The following ESRRG variants were observed in gnomAD, a reference collection of about 807,000 sequenced individuals.
ESRRG encodes the protein estrogen-related receptor gamma.
ESRRG carries 13 observed loss-of-function variants against 44.0 expected under a neutral mutation model. The ratio of observed to expected loss-of-function variants is 0.30; its 90% confidence interval spans 0.19 to 0.47. The LOEUF (loss-of-function observed/expected upper bound fraction) is 0.47, where lower values mean the gene tolerates loss of function less well. Among genes scored for constraint, ESRRG ranks in the 20% least tolerant of loss-of-function variants. The probability of loss-of-function intolerance (pLI) is 1.00; values close to 1 mark genes in which losing one functional copy is unlikely to be tolerated. For missense variants in ESRRG, 395 were observed against 580.6 expected (o/e 0.68, Z 3.29); for synonymous variants, 215 against 214.6 (o/e 1.00, Z -0.02).
chr1:217,052,553 T>C (rs1333130030), intron 1 of ESRRG, among the ~76,000 whole-genome samples: 3 of 152,202 alleles, frequency 2.0e-5, no homozygotes, highest in African/African-American at 4.8e-5. Context: ...AAGAGAGACC[T>C]AGGTGTTCAG....
At chr1:216,782,294 T>C (rs540069451) in intron 2 of ESRRG, among the ~76,000 whole-genome samples, 4 of 152,164 alleles carry the variant, frequency 2.6e-5, no homozygotes, top group African/African-American at 9.6e-5. Context: ...TGAGTAAGTC[T>C]CTCATGGCAT....
At chr1:216,666,084 C>A (rs7550534) in intron 2 of ESRRG, among the ~76,000 whole-genome samples, 25,635 of 152,118 alleles carry the variant, frequency 0.17, 2,265 homozygotes, top group Middle Eastern at 0.2. Context: ...AGCCATACCT[C>A]ATGAGTTACC....
intron 1 of ESRRG, among the ~76,000 whole-genome samples, chr1:217,045,569 G>T (rs1377578711): frequency 6.6e-6 from 1 of 152,198 alleles, no homozygotes; most frequent in Non-Finnish European, 1.5e-5. Context: ...TGAGATGGCT[G>T]GTCTTTGTGA....
chr1:217,098,967 C>T (rs1343056590), intron 1 of ESRRG, among the ~76,000 whole-genome samples: 1 of 152,196 alleles, frequency 6.6e-6, no homozygotes, highest in Non-Finnish European at 1.5e-5. Context: ...CAGTCCTCAC[C>T]TACTTTCCTG....
rs558826300 is a variant in ESRRG, at chr1:216,885,586, T to C, written c.-14+53996A>G. On this transcript the variant is annotated intron_variant, in intron 2 of 7. Transcript: ENST00000359162. ...TAGTCATTTTTGTTTTTATTGAATG[T>C]TGATGCAATCTTAAAGGTTTTTTTT... 3.4e-4 allele frequency among the ~76,000 whole-genome samples: 52 copies of C among 152,322 alleles called. 1 individual carries two copies. Among genetic ancestry groups the C allele is most frequent in the African/African-American group, 1.2e-3 (50 of 41,578 alleles).
chr1:216,658,026 A>G (rs537933671), intron 2 of ESRRG, among the ~76,000 whole-genome samples: 20 of 152,148 alleles, frequency 1.3e-4, no homozygotes, highest in Non-Finnish European at 1.3e-4. Flanking sequence ...CCCTTAAGGA[A>G]AAAAGACCGG....
intron 1 of ESRRG, among the ~76,000 whole-genome samples, chr1:216,999,417 T>C (rs2076749811): frequency 6.6e-6 from 1 of 152,176 alleles, no homozygotes; most frequent in Admixed American, 6.5e-5. Flanking sequence ...TTATCTCATA[T>C]TTACAAAATA....
At chr1:217,126,490 A>G (rs35685026) in intron 1 of ESRRG, among the ~76,000 whole-genome samples, 22,990 of 152,094 alleles carry the variant, frequency 0.15, 2,279 homozygotes, top group Non-Finnish European at 0.2. Context: ...ATCCCATAGT[A>G]CACTTGGCCC....
chr1:216,722,865 C>A (rs1398613970), intron 1 of ESRRG, among the ~76,000 whole-genome samples: 2 of 152,140 alleles, frequency 1.3e-5, no homozygotes, highest in African/African-American at 4.8e-5. Flanking sequence ...TAGTATAAAT[C>A]ATTTTGAATA....
chr1:216,955,918 T>C (rs2067864555), intron 1 of ESRRG, among the ~76,000 whole-genome samples: 1 of 152,164 alleles, frequency 6.6e-6, no homozygotes, highest in South Asian at 2.1e-4. Context: ...GTTTTTGCTG[T>C]TGTGTTTCTT....
chr1:217,055,382 T>G (rs1325293229), intron 1 of ESRRG, among the ~76,000 whole-genome samples: 3 of 152,246 alleles, frequency 2.0e-5, no homozygotes, highest in Admixed American at 2.0e-4. Flanking sequence ...AGAACCACCT[T>G]ATATACAGAA....
intron 1 of ESRRG, among the ~76,000 whole-genome samples, chr1:217,115,106 C>G (rs17045282): frequency 5.9e-5 from 9 of 152,124 alleles, no homozygotes; most frequent in Admixed American, 2.6e-4. Flanking sequence ...TTTAAAAATT[C>G]CTTCTCTCAT....
At chr1:216,980,852 A>T (rs553232765) in intron 1 of ESRRG, among the ~76,000 whole-genome samples, 1 of 152,290 alleles carries the variant, frequency 6.6e-6, no homozygotes, top group South Asian at 2.1e-4. Context: ...ATACTTCAGC[A>T]ATATAGAACT....
intron 5 of ESRRG, among the ~76,000 whole-genome samples, chr1:216,547,128 T>C (rs2054756277): frequency 6.6e-6 from 1 of 152,000 alleles, no homozygotes; most frequent in Non-Finnish European, 1.5e-5. Flanking sequence ...ATTTTCACAG[T>C]TATAGGAGAG....
intron 5 of ESRRG, among the ~76,000 whole-genome samples, chr1:216,553,814 GA>G (rs960580233): frequency 6.7e-6 from 1 of 149,880 alleles, no homozygotes; most frequent in African/African-American, 2.4e-5. Flanking sequence ...CTCGCTATAG[GA>G]AAAAAAAATA....
At chr1:216,742,774 A>T (rs903698255) in intron 2 of ESRRG, among the ~76,000 whole-genome samples, 1 of 152,140 alleles carries the variant, frequency 6.6e-6, no homozygotes, top group Non-Finnish European at 1.5e-5. Flanking sequence ...TATTTTGTTT[A>T]CACACCAAAA....
chr1:216,737,270 A>C (rs536832963), intron 2 of ESRRG, among the ~76,000 whole-genome samples: 1 of 152,310 alleles, frequency 6.6e-6, no homozygotes, highest in South Asian at 2.1e-4. Context: ...AGCTGCAGAC[A>C]GTGGTTCACC....
intron 1 of ESRRG, among the ~76,000 whole-genome samples, chr1:216,946,476 C>T (rs901131792): frequency 6.6e-6 from 1 of 152,188 alleles, no homozygotes; most frequent in African/African-American, 2.4e-5. Context: ...ACCACACCCA[C>T]ATCTGCATGG....
At chr1:216,753,672 G>A (rs2092250474) in intron 2 of ESRRG, among the ~76,000 whole-genome samples, 2 of 152,022 alleles carry the variant, frequency 1.3e-5, no homozygotes, top group Admixed American at 6.6e-5. Context: ...CATTCCTGTG[G>A]TATAGCCCTT....
Sources: allele counts gnomAD v4.1 joint callset (sites outside exome capture counted in the v4.1 genomes callset), GRCh38; gene constraint gnomAD v4.1.1; transcripts MANE v1.5; gene names NCBI Gene and HGNC (gene_info 2026-07-23, HGNC 2026-07-21).